Variants in C1orf87 observed in about 807,000 individuals in gnomAD.
C1orf87 encodes the protein uncharacterized protein C1orf87.
Under a neutral mutation model 60.5 loss-of-function variants are expected in C1orf87, and 58 were observed. The observed-to-expected ratio is 0.96, with a 90% CI of 0.78 to 1.19. C1orf87 has a LOEUF of 1.19. Among genes scored for constraint, C1orf87 ranks in the 50% most tolerant of loss-of-function variants. The pLI is 0.00. For missense variants in C1orf87, 673 were observed against 638.6 expected, an observed-to-expected ratio of 1.05 and a Z score of -0.58; for synonymous variants, 236 against 227.4, an observed-to-expected ratio of 1.04 and a Z score of -0.34.
intron 6 of C1orf87, 26 bp from the exon 7 acceptor site, chr1:60,033,667 C>T (rs1645255281): frequency 1.9e-6 from 3 of 1,603,490 alleles, no homozygotes; most frequent in Non-Finnish European, 2.6e-6. Context: ...ATGGGGAAGG[C>T]TATGAAAAGG....
chr1:59,997,323 T>G (rs1306806877), intron 11 of C1orf87, among the ~76,000 whole-genome samples: 1 of 152,126 alleles, frequency 6.6e-6, no homozygotes, highest in East Asian at 1.9e-4. Context: ...CAGTGGGGTA[T>G]CTCTGAGGTA....
intron 11 of C1orf87, among the ~76,000 whole-genome samples, chr1:59,993,504 A>G (rs968548024): frequency 6.6e-6 from 1 of 151,996 alleles, no homozygotes; most frequent in African/African-American, 2.4e-5. Flanking sequence ...TATTTTAATT[A>G]AAAATTAAAA....
intron 2 of C1orf87, among the ~76,000 whole-genome samples, chr1:60,059,197 T>G (rs372294754): frequency 2.6e-5 from 4 of 152,230 alleles, no homozygotes; most frequent in African/African-American, 9.6e-5. Flanking sequence ...GGTTGTTATG[T>G]TGTTCACAAA....
chr1:60,003,525 C>A (rs937777850), intron 9 of C1orf87, among the ~76,000 whole-genome samples: 3 of 152,058 alleles, frequency 2.0e-5, no homozygotes, highest in East Asian at 1.9e-4. Context: ...TGAAACACAG[C>A]GACTGTTCAG....
At position 60,033,728 on chromosome 1, in the gene C1orf87, C is replaced by T. The variant is rs913676368; in HGVS notation, c.864-87G>A. ...TTTCCTACTACATTTCTCAACTTTG[C>T]TACACACTATGGAACCAGAGAGCCC... is the stretch of plus-strand genomic sequence containing the variant. On this transcript the variant is annotated intron_variant, in intron 6 of 11. Transcript: ENST00000371201. The T allele has an allele frequency of 2.8e-6, 4 of 1,454,426 alleles. No homozygotes were observed. In the African/African-American group the frequency reaches 5.6e-5, roughly 20 times the overall value. 90.1% of individuals were successfully genotyped at this position (1,454,426 alleles called of 1,614,324 possible).
intron 10 of C1orf87, among the ~76,000 whole-genome samples, chr1:59,998,957 T>C (rs1176515863): frequency 6.6e-6 from 1 of 152,156 alleles, no homozygotes; most frequent in African/African-American, 2.4e-5. Context: ...GTAGAGTTGG[T>C]TTTGTTCATT....
chr1:60,030,075 T>TCA (rs1250249469), intron 7 of C1orf87, among the ~76,000 whole-genome samples: 1 of 152,158 alleles, frequency 6.6e-6, no homozygotes, highest in Admixed American at 6.6e-5. Context: ...CATTGCACTG[T>TCA]CACACAGAAT....
chr1:60,023,466 CGTTGCTTCCATAACAAACA>C (rs1557464551), intron 8 of C1orf87, among the ~76,000 whole-genome samples: 2 of 151,930 alleles, frequency 1.3e-5, no homozygotes, highest in African/African-American at 4.8e-5. Flanking sequence ...TTTTATCTTC[CGTTGCTTCCATAACAAACA>C]GTTTTCTTTC....
chr1:60,047,354 G>A (rs1175486352), intron 3 of C1orf87, among the ~76,000 whole-genome samples: 1 of 151,888 alleles, frequency 6.6e-6, no homozygotes, highest in African/African-American at 2.4e-5. Context: ...TCAATCTATT[G>A]CAATTATTAT....
chr1:60,072,639 G>T lies in C1orf87; in HGVS notation c.5C>A (p.Ser2Tyr), dbSNP rs763795401. M[S>Y]SAWKTPRGSD... Reference sequence around the variant, plus strand: ...TCCACGGGGAGTCTTCCAGGCTGAAGACATGATTCCTTTCAAAATCCCTTC... The same window carrying T: ...TCCACGGGGAGTCTTCCAGGCTGAATACATGATTCCTTTCAAAATCCCTTC... Residue 2 changes from serine (S) to tyrosine (Y), a missense_variant, in exon 2 of 12, where the codon TCT becomes TAT. Transcript: ENST00000371201. The T allele has an allele frequency of 1.2e-6, 2 of 1,605,382 alleles. No individual in the cohort carries two copies. Among genetic ancestry groups the T allele is most frequent in the African/African-American group, 1.3e-5 (1 of 74,570 alleles).
At chr1:60,008,087 C>A (rs1383396644) in intron 9 of C1orf87, among the ~76,000 whole-genome samples, 1 of 151,910 alleles carries the variant, frequency 6.6e-6, no homozygotes, top group African/African-American at 2.4e-5. Context: ...CAAGAAGAGA[C>A]CAAGACATTG....
chr1:60,060,473 C>A (rs896551435), intron 2 of C1orf87, among the ~76,000 whole-genome samples: 2 of 152,106 alleles, frequency 1.3e-5, no homozygotes, highest in African/African-American at 4.8e-5. Flanking sequence ...TACACACACT[C>A]CTCATCACTC....
At position 60,001,165 on chromosome 1, in the gene C1orf87, G is replaced by GA. The variant is rs779050008; in HGVS notation, c.1193-10dup. The GA allele has an allele frequency of 9.1e-6, 13 of 1,425,982 alleles. No homozygotes were observed. The highest frequency in any genetic ancestry group is 5.3e-5 in the Admixed American group (2 of 37,702). 88.3% of individuals were successfully genotyped at this position (1,425,982 alleles called of 1,614,324 possible). A position where few individuals can be genotyped will look rare whatever the true frequency, so the allele number is the denominator to read the frequency against. ...TTTCTTTTCATTCTTCCCTGAACAA[G>GA]AATAAAAAAAAAAAAAGGAAGGGTT... On this transcript the variant is annotated splice_polypyrimidine_tract_variant and intron_variant, in intron 9 of 11. Transcript: ENST00000371201.
intron 8 of C1orf87, among the ~76,000 whole-genome samples, chr1:60,017,256 G>A (rs959419102): frequency 1.3e-5 from 2 of 152,194 alleles, no homozygotes; most frequent in African/African-American, 4.8e-5. Context: ...GATCTATACC[G>A]TATTTCTAAT....
At chr1:59,997,858 A>G (rs1172947098) in intron 10 of C1orf87, 42 bp from the exon 11 acceptor site, 1 of 1,582,760 alleles carries the variant, frequency 6.3e-7, no homozygotes, top group South Asian at 1.1e-5. Context: ...TTCACCACCC[A>G]GAGCTTCTCC....
chr1:60,010,174 A>G (rs1160995978), intron 9 of C1orf87, among the ~76,000 whole-genome samples: 1 of 152,006 alleles, frequency 6.6e-6, no homozygotes, highest in African/African-American at 2.4e-5. Context: ...TCTCATGATA[A>G]AACTTGGAGA....
chr1:60,044,999 T>C (rs560418675), intron 3 of C1orf87, among the ~76,000 whole-genome samples: 3 of 152,352 alleles, frequency 2.0e-5, no homozygotes, highest in East Asian at 1.9e-4. Context: ...GAGTTGGAAA[T>C]GTAAACAAGT....
chr1:60,023,939 G>A (rs1418380380), intron 8 of C1orf87, among the ~76,000 whole-genome samples: 1 of 152,142 alleles, frequency 6.6e-6, no homozygotes, highest in African/African-American at 2.4e-5. Context: ...TTGCAGGGGA[G>A]AAGACATTGT....
chr1:60,063,101 T>A (rs1421956294), intron 2 of C1orf87, among the ~76,000 whole-genome samples: 1 of 152,180 alleles, frequency 6.6e-6, no homozygotes, highest in Non-Finnish European at 1.5e-5. Flanking sequence ...TACTTTATTA[T>A]TTTGAACTTG....
Sources: gnomAD v4.1 joint callset for allele counts (sites outside exome capture counted in the v4.1 genomes callset) on GRCh38, gnomAD v4.1.1 for gene constraint, MANE v1.5 for transcripts, NCBI Gene and HGNC (gene_info 2026-07-23, HGNC 2026-07-21) for gene names.